Variants in PRELID2 observed in about 807,000 individuals in gnomAD.
The protein encoded by PRELID2 is PRELI domain-containing protein 2.
Under a neutral mutation model 28.4 loss-of-function variants are expected in PRELID2, and 25 were observed. That is an observed-to-expected ratio of 0.88 (90% CI 0.64 to 1.23). PRELID2 has a LOEUF of 1.23. PRELID2 is among the 50% of genes most tolerant of loss of function. PRELID2 has a pLI of 0.00. For missense variants in PRELID2, 201 were observed against 214.4 expected (o/e 0.94, Z 0.39); for synonymous variants, 76 against 71.6 (o/e 1.06, Z -0.31).
intron 5 of PRELID2, among the ~76,000 whole-genome samples, chr5:145,772,440 C>CA (rs36118441): frequency 4.0e-5 from 6 of 150,998 alleles, no homozygotes; most frequent in South Asian, 2.1e-4. Flanking sequence ...GATTTGTAAA[C>CA]AAAAAAAAAG....
intron 1 of PRELID2, among the ~76,000 whole-genome samples, chr5:145,623,305 A>G (rs1753797283): frequency 6.6e-6 from 1 of 151,794 alleles, no homozygotes; most frequent in African/African-American, 2.4e-5. Flanking sequence ...AAAATTAGCC[A>G]GGTGTGGTGG....
At chr5:145,702,590 T>C (rs1333660875) in intron 1 of PRELID2, among the ~76,000 whole-genome samples, 1 of 152,050 alleles carries the variant, frequency 6.6e-6, no homozygotes, top group African/African-American at 2.4e-5. Context: ...AGGCAAGAGG[T>C]AAAGCAATTC....
At chr5:145,472,051 T>G (rs1752059443) in exon 3 of PRELID2, 1 of 152,228 alleles carries the variant, frequency 6.6e-6, no homozygotes, top group Non-Finnish European at 1.5e-5. Flanking sequence ...TTGGCTTAGA[T>G]CCAGTGTTTG....
At chr5:145,320,244 A>G in the PRELID2 span, among the ~76,000 whole-genome samples, 2,118 of 151,448 alleles carry the variant, frequency 0.014, 41 homozygotes, top group African/African-American at 0.048. Flanking sequence ...TGCAGTTGTC[A>G]CATATCAAAA....
At chr5:145,318,450 T>G in the PRELID2 span, among the ~76,000 whole-genome samples, 1 of 152,244 alleles carries the variant, frequency 6.6e-6, no homozygotes, top group Admixed American at 6.5e-5. Flanking sequence ...CAATCTAGAC[T>G]AGAAAAGGAG....
intron 1 of PRELID2, among the ~76,000 whole-genome samples, chr5:145,608,074 C>T (rs988650020): frequency 2.7e-5 from 4 of 146,372 alleles, no homozygotes; most frequent in Admixed American, 2.0e-4. Flanking sequence ...AAATAGTAAA[C>T]CCTGCTTTGT....
chr5:145,494,337 CA>C (rs1330824116), intron 1 of PRELID2, among the ~76,000 whole-genome samples: 1 of 152,132 alleles, frequency 6.6e-6, no homozygotes, highest in Non-Finnish European at 1.5e-5. Context: ...AAAATAGGCA[CA>C]AATCAGTATT....
intron 5 of PRELID2, among the ~76,000 whole-genome samples, chr5:145,792,817 G>A (rs1340029161): frequency 6.6e-6 from 1 of 152,154 alleles, no homozygotes; most frequent in Non-Finnish European, 1.5e-5. Flanking sequence ...AACATATTTT[G>A]TATATTTGAC....
At chr5:145,729,077 G>C (rs1289741548) in intron 1 of PRELID2, 1 of 598,904 alleles carries the variant, frequency 1.7e-6, no homozygotes, top group African/African-American at 1.9e-5. Flanking sequence ...CAAGTAAGCA[G>C]AATGTTTGCT....
At chr5:145,360,303 G>A in the PRELID2 span, among the ~76,000 whole-genome samples, 1 of 152,182 alleles carries the variant, frequency 6.6e-6, no homozygotes. Flanking sequence ...CATTTCTAAG[G>A]CACTGAGCAG....
rs1407277634 is a variant in PRELID2, at chr5:145,740,741, A to C, written n.70+24190T>G. On this transcript the variant is annotated intron_variant and non_coding_transcript_variant, in intron 1 of 2. Coordinates refer to the PRELID2 transcript ENST00000510259. Reference sequence around the variant, plus strand: ...ATATATTACATTAAATATTATATATAAATATATTATATATTTATGTATAAA... The same window carrying C: ...ATATATTACATTAAATATTATATATCAATATATTATATATTTATGTATAAA... Among the ~76,000 whole-genome samples the C allele has an allele frequency of 3.4e-5, 4 of 116,828 alleles. No individual in the cohort carries two copies. The East Asian group carries it at 9.8e-4, about 29-fold the overall frequency. 76.6% of individuals were successfully genotyped at this position (116,828 alleles called of 152,430 possible). A position where few individuals can be genotyped will look rare whatever the true frequency, so the allele number is the denominator to read the frequency against.
chr5:145,787,178 C>T (rs948727475), intron 5 of PRELID2, among the ~76,000 whole-genome samples: 5 of 152,128 alleles, frequency 3.3e-5, no homozygotes, highest in East Asian at 3.9e-4. Flanking sequence ...CACGTCTATG[C>T]GATTGCATAA....
At chr5:145,518,651 A>G (rs568685078) in intron 1 of PRELID2, among the ~76,000 whole-genome samples, 1 of 152,318 alleles carries the variant, frequency 6.6e-6, no homozygotes, top group East Asian at 1.9e-4. Flanking sequence ...ATTTGCATCA[A>G]TCAATCCTTT....
intron 1 of PRELID2, among the ~76,000 whole-genome samples, chr5:145,513,967 A>G (rs1421283200): frequency 6.6e-6 from 1 of 152,132 alleles, no homozygotes; most frequent in Non-Finnish European, 1.5e-5. Context: ...TCACCACCAG[A>G]CCTGTCTTAC....
At chr5:145,528,724 CACAGAGAG>C (rs1428732653) in intron 1 of PRELID2, among the ~76,000 whole-genome samples, 26 of 56,698 alleles carry the variant, frequency 4.6e-4, no homozygotes, top group African/African-American at 1.3e-3. Context: ...CACACACACA[CACAGAGAG>C]AGAGAGAGAG....
intron 1 of PRELID2, among the ~76,000 whole-genome samples, chr5:145,520,150 G>T (rs1174763956): frequency 6.6e-6 from 1 of 152,052 alleles, no homozygotes; most frequent in Non-Finnish European, 1.5e-5. Flanking sequence ...ACATTTTCCC[G>T]CTAAACCAAG....
intron 1 of PRELID2, among the ~76,000 whole-genome samples, chr5:145,678,544 G>A (rs893604546): frequency 6.6e-6 from 1 of 152,152 alleles, no homozygotes; most frequent in Non-Finnish European, 1.5e-5. Flanking sequence ...AAATATGTAA[G>A]TCATTCAGTG....
At position 145,535,826 on chromosome 5, in the gene PRELID2, T is replaced by C. The variant is rs190369648; in HGVS notation, n.71-62511A>G. 2.5e-4 allele frequency among the ~76,000 whole-genome samples: 38 copies of C among 152,058 alleles called. No individual in the cohort carries two copies. The Middle Eastern group carries it at 0.014, about 54-fold the overall frequency. ...TAGTTTATTTCTCTTTTTCACTTCTTCCTTTAGTTCTGACATGTCACATAC... is the reference window on the plus strand; with the variant it reads ...TAGTTTATTTCTCTTTTTCACTTCTCCCTTTAGTTCTGACATGTCACATAC... On this transcript the variant is annotated intron_variant and non_coding_transcript_variant, in intron 1 of 2. Coordinates refer to the PRELID2 transcript ENST00000510259.
the PRELID2 span, among the ~76,000 whole-genome samples, chr5:145,463,352 T>A: frequency 1.2e-4 from 18 of 151,446 alleles, no homozygotes; most frequent in Non-Finnish European, 2.4e-4. Flanking sequence ...GTTTTTTTTT[T>A]TTTTTTTAGT....
Sources: allele counts gnomAD v4.1 joint callset (sites outside exome capture counted in the v4.1 genomes callset), GRCh38; gene constraint gnomAD v4.1.1; transcripts MANE v1.5; gene names NCBI Gene and HGNC (gene_info 2026-07-23, HGNC 2026-07-21).